The following RECK variants were observed in gnomAD, a reference collection of about 807,000 sequenced individuals.
RECK encodes the protein reversion-inducing cysteine-rich protein with Kazal motifs.
In RECK, 69 loss-of-function variants were observed where a neutral mutation model predicts 115.1. The observed-to-expected ratio is 0.60, with a 90% CI of 0.49 to 0.73. The LOEUF (loss-of-function observed/expected upper bound fraction) is 0.73, where lower values mean the gene tolerates loss of function less well. Ranked by LOEUF, RECK falls within the 30% of genes least tolerant of loss-of-function variation. The probability of loss-of-function intolerance (pLI) is 0.00; values close to 1 mark genes in which losing one functional copy is unlikely to be tolerated. For missense variants in RECK, 1,047 were observed against 1,203.7 expected, an observed-to-expected ratio of 0.87 and a Z score of 1.93; for synonymous variants, 414 against 419.7, an observed-to-expected ratio of 0.99 and a Z score of 0.17.
chr9:36,097,349 A>G (rs1823393102), intron 10 of RECK, among the ~76,000 whole-genome samples: 1 of 151,822 alleles, frequency 6.6e-6, no homozygotes. Flanking sequence ...AAAAAAGAAA[A>G]AAATTGTGCA....
chr9:36,073,229 CAGACACACACAG>C (rs1230148639), intron 6 of RECK, among the ~76,000 whole-genome samples: 15 of 102,974 alleles, frequency 1.5e-4, no homozygotes, highest in South Asian at 7.4e-4. Context: ...CAGACACACA[CAGACACACACAG>C]ACACACACAC....
intron 18 of RECK, 115 bp downstream of exon 18, chr9:36,119,082 GA>G: frequency 9.4e-7 from 1 of 1,059,268 alleles, no homozygotes; most frequent in South Asian, 1.5e-5. Context: ...AAGTCTTGAA[GA>G]GATTCTTATG....
In RECK at chr9:36,038,021, A is replaced by AG. The variant is rs34452447; in HGVS notation, c.100+924dup. ...ACACCTTAAAAAAAAAAAAAAAAAAAGCAAAGTCAGCCGGGTGCGGTAGGC... is the reference window on the plus strand; with the variant it reads ...ACACCTTAAAAAAAAAAAAAAAAAAAGGCAAAGTCAGCCGGGTGCGGTAGGC... On this transcript the variant is annotated intron_variant, in intron 1 of 20. Transcript: ENST00000377966. Among the ~76,000 whole-genome samples the AG allele has an allele frequency of 1.6e-3, 233 of 149,576 alleles. 2 individuals are homozygous for AG. Among genetic ancestry groups the AG allele is most frequent in the African/African-American group, 5.5e-3 (224 of 40,468 alleles).
Position 36,060,212 on chromosome 9 carries a change from G to A in RECK, c.271+57G>A. Reference sequence around the variant, plus strand: ...AATTTTAAAAACTTACTGTGTGAATGTAAAATTGGTGTCATTGTCCTGGAA... The same window carrying A: ...AATTTTAAAAACTTACTGTGTGAATATAAAATTGGTGTCATTGTCCTGGAA... On this transcript the variant is annotated intron_variant, in intron 4 of 20. Transcript: ENST00000377966. 9 of 1,524,554 alleles carry A rather than the reference G, an allele frequency of 5.9e-6. No individual in the cohort carries two copies. The South Asian group carries it at 9.0e-5, about 15-fold the overall frequency. The allele number at this position is 1,524,554 out of a possible 1,614,324, so 94.4% of individuals were successfully genotyped here.
chr9:36,122,851 A>G lies in RECK; in HGVS notation c.2722A>G (p.Lys908Glu). 6.2e-7 allele frequency: 1 copy of G among 1,614,154 alleles called. No homozygotes were observed. Among genetic ancestry groups the G allele is most frequent in the Non-Finnish European group, 8.5e-7 (1 of 1,180,020 alleles). ...QIEACNKEAEKIESLINSDSP... is the reference protein window; with the variant it reads ...QIEACNKEAEEIESLINSDSP... ...TGAAGCCTGCAATAAAGAAGCAGAG[A>G]AGATTGAGTCCCTTATCAACTCTGA... Residue 908 changes from lysine to glutamate, a missense_variant, in exon 21 of 21, where the codon AAG becomes GAG. By Grantham distance (56) the Lys-to-Glu change is moderately conservative. Transcript: ENST00000377966.
chr9:36,037,618 C>G (rs192118218), intron 1 of RECK, among the ~76,000 whole-genome samples: 3 of 151,868 alleles, frequency 2.0e-5, no homozygotes, highest in Non-Finnish European at 2.9e-5. Context: ...TAAACCCTGT[C>G]CCCCGGGGGC....
chr9:36,112,890 G>A (rs1192609963), intron 16 of RECK, among the ~76,000 whole-genome samples: 5 of 152,192 alleles, frequency 3.3e-5, no homozygotes, highest in African/African-American at 1.2e-4. Context: ...AAGCAGTTCT[G>A]TAAGACTGAA....
chr9:36,056,303 A>G (rs761181726), intron 2 of RECK, among the ~76,000 whole-genome samples: 1 of 152,178 alleles, frequency 6.6e-6, no homozygotes, highest in Admixed American at 6.5e-5. Flanking sequence ...TCAAAAATCT[A>G]GTTATTCAGA....
intron 6 of RECK, among the ~76,000 whole-genome samples, chr9:36,066,226 T>A (rs1409308056): frequency 6.6e-6 from 1 of 152,146 alleles, no homozygotes; most frequent in East Asian, 1.9e-4. Context: ...TACAAATATG[T>A]GCAGAAGATT....
chr9:36,084,640 A>G (rs1434587711), intron 8 of RECK, among the ~76,000 whole-genome samples: 1 of 151,280 alleles, frequency 6.6e-6, no homozygotes, highest in Non-Finnish European at 1.5e-5. Context: ...GGTTGCATTG[A>G]GCCGAGATTG....
chr9:36,061,083 C>T (rs1821741363), intron 4 of RECK, among the ~76,000 whole-genome samples: 1 of 152,062 alleles, frequency 6.6e-6, no homozygotes, highest in South Asian at 2.1e-4. Flanking sequence ...GATGTTTCAA[C>T]ACATTATATC....
At chr9:36,047,863 C>A (rs1282822433) in intron 1 of RECK, among the ~76,000 whole-genome samples, 1 of 149,074 alleles carries the variant, frequency 6.7e-6, no homozygotes, top group African/African-American at 2.5e-5. Context: ...TGAAACTGAT[C>A]TATAGTAATA....
chr9:36,059,913 T>C (rs577431305), intron 3 of RECK, among the ~76,000 whole-genome samples: 2 of 152,358 alleles, frequency 1.3e-5, no homozygotes, highest in African/African-American at 4.8e-5. Flanking sequence ...TCGTTAATGC[T>C]CTCAGATGGG....
intron 6 of RECK, chr9:36,066,786 T>C: frequency 1.6e-6 from 2 of 1,288,286 alleles, no homozygotes; most frequent in Non-Finnish European, 2.0e-6. Context: ...TCCGTTATTT[T>C]AGTGTGCTTC....
chr9:36,061,086 A>C (rs895704070), intron 4 of RECK, among the ~76,000 whole-genome samples: 1 of 152,104 alleles, frequency 6.6e-6, no homozygotes, highest in African/African-American at 2.4e-5. Flanking sequence ...GTTTCAACAC[A>C]TTATATCTTT....
chr9:36,121,334 A>G (rs1444472404), intron 19 of RECK, among the ~76,000 whole-genome samples, 199 bp from the exon 20 acceptor site: 3 of 152,186 alleles, frequency 2.0e-5, no homozygotes, highest in Non-Finnish European at 4.4e-5. Context: ...TATCTTCACT[A>G]CAGAGTTTCT....
chr9:36,074,706 C>T (rs777589436), intron 6 of RECK, among the ~76,000 whole-genome samples: 1 of 152,182 alleles, frequency 6.6e-6, no homozygotes, highest in Non-Finnish European at 1.5e-5. Flanking sequence ...TACGTGGAAA[C>T]TCTGTGTAAA....
Position 36,065,561 on chromosome 9 carries a change from A to G in RECK, c.358-16A>G. 1 of 1,574,838 alleles carries G rather than the reference A, an allele frequency of 6.3e-7. No homozygotes were observed. The highest frequency in any genetic ancestry group is 8.6e-7 in the Non-Finnish European group (1 of 1,162,952). ...GCATGTATAATAAATTAATGGAGAA[A>G]TTTGTTGGTTTTTAGGCATCTTCAA... On this transcript the variant is annotated splice_polypyrimidine_tract_variant and intron_variant, in intron 5 of 20. Transcript: ENST00000377966.
chr9:36,118,272 A>C (rs1275718416), intron 17 of RECK, among the ~76,000 whole-genome samples: 4 of 151,644 alleles, frequency 2.6e-5, no homozygotes, highest in Non-Finnish European at 5.9e-5. Flanking sequence ...CCTGGCTGTG[A>C]TTTTTCTCTG....
Sources: gnomAD v4.1 joint callset for allele counts (sites outside exome capture counted in the v4.1 genomes callset) on GRCh38, gnomAD v4.1.1 for gene constraint, MANE v1.5 for transcripts, NCBI Gene and HGNC (gene_info 2026-07-23, HGNC 2026-07-21) for gene names.